LCLAT1: variants seen among roughly 807,000 people sequenced by gnomAD.
LCLAT1 encodes the protein lysocardiolipin acyltransferase 1.
Under a neutral mutation model 30.7 loss-of-function variants are expected in LCLAT1, and 11 were observed. The observed-to-expected ratio is 0.36, with a 90% CI of 0.23 to 0.59. LCLAT1 has a LOEUF of 0.59. Ranked by LOEUF, LCLAT1 falls within the 20% of genes least tolerant of loss-of-function variation. The pLI is 0.77. For synonymous variants in LCLAT1, 155 were observed against 151.3 expected, an observed-to-expected ratio of 1.02 and a Z score of -0.18; for missense variants, 402 against 458.6, an observed-to-expected ratio of 0.88 and a Z score of 1.13.
At chr2:30,558,605 A>G (rs1665047168) in intron 3 of LCLAT1, among the ~76,000 whole-genome samples, 5 of 152,068 alleles carry the variant, frequency 3.3e-5, no homozygotes, top group Admixed American at 3.3e-4. Context: ...CTCAAAAAAA[A>G]AAAAAAAAAA....
intron 1 of LCLAT1, among the ~76,000 whole-genome samples, chr2:30,481,826 A>G (rs1683338375): frequency 6.6e-6 from 1 of 152,200 alleles, no homozygotes; most frequent in Non-Finnish European, 1.5e-5. Context: ...ACCCCAGAGT[A>G]TTCGAGGAGT....
chr2:30,643,438 CAAAT>C lies in LCLAT1; in HGVS notation c.*2824_*2827del, dbSNP rs1412273162. ...CATTAGAAGAACTTGATAAAAGACT[CAAAT>C]AAATGTTAGAAAGAGCCCGTAATTT... On this transcript the variant is annotated 3_prime_UTR_variant, in exon 6 of 6. Transcript: ENST00000379509. 6.9e-6 allele frequency: 1 copy of C among 144,680 alleles called. No individual in the cohort carries two copies. The highest frequency in any genetic ancestry group is 2.6e-5 in the African/African-American group (1 of 38,054). 9.0% of individuals were successfully genotyped at this position (144,680 alleles called of 1,614,324 possible).
intron 5 of LCLAT1, among the ~76,000 whole-genome samples, chr2:30,617,229 T>C (rs1335767029): frequency 6.6e-6 from 1 of 152,170 alleles, no homozygotes; most frequent in Non-Finnish European, 1.5e-5. Context: ...CCCACTGATG[T>C]GCTTTCTGTC....
At chr2:30,454,237 A>C (rs564842836) in intron 1 of LCLAT1, among the ~76,000 whole-genome samples, 2 of 152,174 alleles carry the variant, frequency 1.3e-5, no homozygotes, top group African/African-American at 4.8e-5. Flanking sequence ...TTCCCCTTTC[A>C]TGTGTTATAA....
intron 5 of LCLAT1, among the ~76,000 whole-genome samples, chr2:30,631,682 T>C (rs1372083656): frequency 2.6e-5 from 4 of 152,214 alleles, no homozygotes; most frequent in Non-Finnish European, 5.9e-5. Flanking sequence ...TCCTTGCAAA[T>C]TTCAGATGTT....
At chr2:30,528,327 C>T (rs764874703) in intron 2 of LCLAT1, among the ~76,000 whole-genome samples, 22 of 152,130 alleles carry the variant, frequency 1.4e-4, no homozygotes, top group Non-Finnish European at 2.6e-4. Context: ...GCTATTTCTG[C>T]TATTATTACT....
chr2:30,510,751 G>A (rs829632), intron 1 of LCLAT1, among the ~76,000 whole-genome samples: 123,515 of 151,920 alleles, frequency 0.81, 50,438 homozygotes, highest in East Asian at 0.94. Flanking sequence ...TATTCTTTCT[G>A]CTTTCCATCT....
At chr2:30,542,181 T>C (rs963807138) in intron 3 of LCLAT1, among the ~76,000 whole-genome samples, 5 of 152,160 alleles carry the variant, frequency 3.3e-5, no homozygotes, top group Admixed American at 3.3e-4. Context: ...TTTCTACTTT[T>C]TTTAAACCTG....
At chr2:30,624,357 C>T (rs969167585) in intron 5 of LCLAT1, among the ~76,000 whole-genome samples, 7 of 152,072 alleles carry the variant, frequency 4.6e-5, no homozygotes, top group East Asian at 1.9e-4. Flanking sequence ...ACCAAGTATC[C>T]GCTGTCTTCA....
chr2:30,615,171 G>C (rs1667936237), intron 5 of LCLAT1, among the ~76,000 whole-genome samples: 1 of 152,070 alleles, frequency 6.6e-6, no homozygotes, highest in Non-Finnish European at 1.5e-5. Flanking sequence ...TGATGGTCAA[G>C]ATAGAATGAC....
chr2:30,495,289 AT>A (rs1341537475), intron 1 of LCLAT1, among the ~76,000 whole-genome samples: 1 of 152,082 alleles, frequency 6.6e-6, no homozygotes, highest in African/African-American at 2.4e-5. Context: ...TATTCATAGA[AT>A]CAGTAAATTA....
intron 3 of LCLAT1, among the ~76,000 whole-genome samples, chr2:30,546,026 A>G (rs868435229): frequency 1.3e-5 from 2 of 152,214 alleles, no homozygotes; most frequent in Middle Eastern, 3.2e-3. Flanking sequence ...CTGGAATTCT[A>G]AAGCATTACA....
intron 5 of LCLAT1, among the ~76,000 whole-genome samples, chr2:30,608,465 T>C (rs570127479): frequency 1.0e-3 from 154 of 152,170 alleles, no homozygotes; most frequent in African/African-American, 3.6e-3. Context: ...TCACATTCAC[T>C]CACCCTCACT....
chr2:30,541,038 A>G (rs1664113980), intron 3 of LCLAT1, among the ~76,000 whole-genome samples: 1 of 152,174 alleles, frequency 6.6e-6, no homozygotes. Flanking sequence ...TTTGGGTTAT[A>G]CAAATTCTTA....
At chr2:30,524,426 G>A (rs931870012) in intron 1 of LCLAT1, among the ~76,000 whole-genome samples, 9 of 152,164 alleles carry the variant, frequency 5.9e-5, no homozygotes, top group African/African-American at 2.2e-4. Context: ...TTGTTTTTAG[G>A]TGTATAGTAG....
intron 5 of LCLAT1, among the ~76,000 whole-genome samples, chr2:30,580,517 T>A (rs1424868577): frequency 6.6e-6 from 1 of 152,104 alleles, no homozygotes; most frequent in Non-Finnish European, 1.5e-5. Context: ...TAAGTGGAGA[T>A]ATGTAGTTTA....
chr2:30,618,561 C>G (rs1027924243), intron 5 of LCLAT1, among the ~76,000 whole-genome samples: 3 of 152,058 alleles, frequency 2.0e-5, no homozygotes, highest in African/African-American at 7.2e-5. Flanking sequence ...CTGCGGTCTA[C>G]TTGACAAGGG....
At chr2:30,505,572 A>C (rs964330918) in intron 1 of LCLAT1, among the ~76,000 whole-genome samples, 1 of 152,166 alleles carries the variant, frequency 6.6e-6, no homozygotes, top group African/African-American at 2.4e-5. Flanking sequence ...AGAGAAGTAC[A>C]TAAATCACAA....
At chr2:30,628,069 T>C (rs1668600090) in intron 5 of LCLAT1, among the ~76,000 whole-genome samples, 1 of 152,202 alleles carries the variant, frequency 6.6e-6, no homozygotes, top group Non-Finnish European at 1.5e-5. Context: ...GTAAGTTGGC[T>C]ATATATATAC....
Sources: allele counts gnomAD v4.1 joint callset (sites outside exome capture counted in the v4.1 genomes callset), GRCh38; gene constraint gnomAD v4.1.1; transcripts MANE v1.5; gene names NCBI Gene and HGNC (gene_info 2026-07-23, HGNC 2026-07-21).